The following AMELY variants were observed in gnomAD, a reference collection of about 807,000 sequenced individuals.
AMELY encodes the protein amelogenin, Y isoform.
AMELY carries 4 observed loss-of-function variants against 4.2 expected under a neutral mutation model. The ratio of observed to expected loss-of-function variants is 0.96; its 90% CI spans 0.47 to 2.19. AMELY has a LOEUF of 2.19. Ranked by LOEUF, AMELY falls within the 30% of genes most tolerant of loss-of-function variation. The pLI is 0.02. For synonymous variants in AMELY, 11 were observed against 14.7 expected, an observed-to-expected ratio of 0.75 and a Z score of 0.57; for missense variants, 32 against 41.5, an observed-to-expected ratio of 0.77 and a Z score of 0.63.
At chrY:6,882,510 C>A in intron 1 of AMELY, among the ~76,000 whole-genome samples, 1 of 33,362 alleles carries the variant, frequency 3.0e-5, no homozygotes, top group Non-Finnish European at 7.4e-5. Flanking sequence ...AAAACCTAGG[C>A]AATACCATTC....
chrY:6,868,694 A>G (rs761951506), intron 5 of AMELY, 38 bp downstream of exon 5: 1 of 371,003 alleles, frequency 2.7e-6, no homozygotes, highest in East Asian at 9.3e-5. Context: ...ATGCATGCCT[A>G]ATATTTTCAG....
At chrY:6,898,615 C>A in intron 1 of AMELY, among the ~76,000 whole-genome samples, 1 of 33,405 alleles carries the variant, frequency 3.0e-5, no homozygotes, top group Non-Finnish European at 7.4e-5. Flanking sequence ...GATTCAAATG[C>A]TAAATGTCAT....
At chrY:6,869,648 T>C (rs2054065919) in intron 4 of AMELY, among the ~76,000 whole-genome samples, 4 of 33,993 alleles carry the variant, frequency 1.2e-4, no homozygotes, top group Non-Finnish European at 2.2e-4. Context: ...CCAAAGTTAG[T>C]AATTTTACCT....
chrY:6,906,231 G>A, intron 1 of AMELY, among the ~76,000 whole-genome samples: 1 of 33,103 alleles, frequency 3.0e-5, no homozygotes, highest in Non-Finnish European at 7.4e-5. Flanking sequence ...AAATTGCCCA[G>A]TCTTGGGTAT....
intron 1 of AMELY, among the ~76,000 whole-genome samples, chrY:6,891,046 C>G (rs2054082686): frequency 3.0e-5 from 1 of 33,710 alleles, no homozygotes; most frequent in Admixed American, 2.7e-4. Context: ...GAAGAGTCAC[C>G]AGGAGCATTT....
At chrY:6,905,489 TTTC>T (rs2011660339) in intron 1 of AMELY, among the ~76,000 whole-genome samples, 1 of 30,622 alleles carries the variant, frequency 3.3e-5, no homozygotes, top group Admixed American at 3.1e-4. Flanking sequence ...TTTCTTTCTC[TTTC>T]TTTCTTTCCT....
At chrY:6,895,849 T>C in intron 1 of AMELY, among the ~76,000 whole-genome samples, 1 of 33,487 alleles carries the variant, frequency 3.0e-5, no homozygotes, top group African/African-American at 1.2e-4. Context: ...CCTTGGGCAG[T>C]ATGGGCATTT....
intron 1 of AMELY, among the ~76,000 whole-genome samples, chrY:6,891,480 A>G: frequency 3.0e-5 from 1 of 33,670 alleles, no homozygotes; most frequent in Admixed American, 2.7e-4. Context: ...GAAGAGCTCA[A>G]ATTTTAAGAC....
intron 1 of AMELY, among the ~76,000 whole-genome samples, chrY:6,898,945 T>C: frequency 2.9e-5 from 1 of 33,939 alleles, no homozygotes; most frequent in Non-Finnish European, 7.3e-5. Context: ...TGTTTGAATA[T>C]GTTTTGAAAC....
At chrY:6,882,312 T>G in intron 1 of AMELY, among the ~76,000 whole-genome samples, 1 of 33,038 alleles carries the variant, frequency 3.0e-5, no homozygotes, top group Non-Finnish European at 7.4e-5. Flanking sequence ...CCATCTGACC[T>G]TTGACAAACC....
intron 1 of AMELY, among the ~76,000 whole-genome samples, chrY:6,885,462 G>A (rs1052348270): frequency 1.2e-4 from 4 of 33,906 alleles, no homozygotes; most frequent in Admixed American, 2.7e-4. Flanking sequence ...GCGACAGAGC[G>A]AGACTCTATC....
At chrY:6,867,126 G>A (rs920502053) in intron 6 of AMELY, among the ~76,000 whole-genome samples, 1 of 33,288 alleles carries the variant, frequency 3.0e-5, no homozygotes, top group African/African-American at 1.2e-4. Context: ...TAAAAGAAAC[G>A]AAAATACTCA....
At chrY:6,885,272 G>C (rs938341397) in intron 1 of AMELY, among the ~76,000 whole-genome samples, 18 of 33,655 alleles carry the variant, frequency 5.3e-4, no homozygotes, top group African/African-American at 2.1e-3. Flanking sequence ...GAGGTCAGGA[G>C]ATCGAGACCA....
chrY:6,884,921 G>C (rs775145295), intron 1 of AMELY, among the ~76,000 whole-genome samples: 1 of 33,111 alleles, frequency 3.0e-5, no homozygotes, highest in Admixed American at 2.8e-4. Context: ...ATGGGCAAAA[G>C]ACATAAACAG....
chrY:6,885,393 T>A, intron 1 of AMELY, among the ~76,000 whole-genome samples: 2 of 34,172 alleles, frequency 5.9e-5, no homozygotes, highest in Admixed American at 5.2e-4. Context: ...GAGAATGGCA[T>A]GAGCCCAGGA....
chrY:6,891,580 G>A, intron 1 of AMELY, among the ~76,000 whole-genome samples: 1 of 33,652 alleles, frequency 3.0e-5, no homozygotes, highest in African/African-American at 1.2e-4. Flanking sequence ...TCCTGCTACA[G>A]CAGTATCAGA....
chrY:6,879,453 C>A (rs766488073), intron 1 of AMELY, among the ~76,000 whole-genome samples: 1 of 33,536 alleles, frequency 3.0e-5, no homozygotes, highest in East Asian at 7.8e-4. Context: ...AAGTAGATTG[C>A]AAACATTTTC....
chrY:6,894,868 A>T, intron 1 of AMELY, among the ~76,000 whole-genome samples: 2 of 33,913 alleles, frequency 5.9e-5, no homozygotes, highest in African/African-American at 2.3e-4. Flanking sequence ...TTCCTCTCCC[A>T]AGAAGGTTTA....
chrY:6,876,432 A>T (rs2054071931), intron 1 of AMELY, among the ~76,000 whole-genome samples: 3 of 33,406 alleles, frequency 9.0e-5, no homozygotes, highest in Non-Finnish European at 2.2e-4. Context: ...CTAAGAGAGA[A>T]TCCTAGGGTT....
Sources: gnomAD v4.1 joint callset for allele counts (sites outside exome capture counted in the v4.1 genomes callset) on GRCh38, gnomAD v4.1.1 for gene constraint, MANE v1.5 for transcripts, NCBI Gene and HGNC (gene_info 2026-07-23, HGNC 2026-07-21) for gene names.